The following SGMS1 variants were observed in gnomAD, a reference collection of about 807,000 sequenced individuals.
SGMS1 encodes the protein sphingomyelin synthase 1.
In SGMS1, 13 loss-of-function variants were observed where a neutral mutation model predicts 46.2. The observed-to-expected ratio is 0.28, with a 90% CI of 0.18 to 0.45. The LOEUF is 0.45. Ranked by LOEUF, SGMS1 falls within the 20% of genes least tolerant of loss-of-function variation. The pLI, the probability that SGMS1 is intolerant of heterozygous loss-of-function variation, is 1.00. For synonymous variants in SGMS1, 203 were observed against 187.8 expected (o/e 1.08, Z -0.66); for missense variants, 324 against 519.9 (o/e 0.62, Z 3.66).
chr10:50,488,699 C>G (rs1348044399), intron 3 of SGMS1, among the ~76,000 whole-genome samples: 1 of 152,194 alleles, frequency 6.6e-6, no homozygotes, highest in Non-Finnish European at 1.5e-5. Context: ...AAAACAACCT[C>G]TATGATTTCT....
chr10:50,343,226 T>C (rs1363845005), intron 7 of SGMS1: 2 of 322,604 alleles, frequency 6.2e-6, no homozygotes, highest in East Asian at 6.1e-5. Flanking sequence ...GAGAGTTTTC[T>C]TTCTTATTAA....
intron 2 of SGMS1, among the ~76,000 whole-genome samples, chr10:50,557,425 C>T (rs1329562472): frequency 6.6e-6 from 1 of 151,676 alleles, no homozygotes; most frequent in Admixed American, 6.6e-5. Flanking sequence ...TAATAAATTG[C>T]TTACACATAG....
At chr10:50,534,439 A>G (rs919641012) in intron 2 of SGMS1, among the ~76,000 whole-genome samples, 2 of 152,158 alleles carry the variant, frequency 1.3e-5, no homozygotes, top group East Asian at 1.9e-4. Context: ...AAAATATTCA[A>G]TGCTACTGAT....
intron 4 of SGMS1, among the ~76,000 whole-genome samples, chr10:50,465,507 C>A (rs1398963706): frequency 6.6e-6 from 1 of 151,960 alleles, no homozygotes; most frequent in African/African-American, 2.4e-5. Flanking sequence ...CATAGACCCT[C>A]AAAAATTAAG....
chr10:50,330,694 G>C (rs1309526663), intron 7 of SGMS1, among the ~76,000 whole-genome samples: 1 of 152,146 alleles, frequency 6.6e-6, no homozygotes, highest in African/African-American at 2.4e-5. Context: ...ACTTGACAAT[G>C]GTGCAGTGGA....
At chr10:50,433,742 T>A (rs1020500914) in intron 5 of SGMS1, among the ~76,000 whole-genome samples, 186 bp from the exon 6 acceptor site, 6 of 152,006 alleles carry the variant, frequency 3.9e-5, no homozygotes, top group African/African-American at 9.7e-5. Flanking sequence ...AGAAAAAAAA[T>A]TTTAAGAGCA....
chr10:50,618,069 A>G (rs757374720), intron 1 of SGMS1, among the ~76,000 whole-genome samples: 18 of 152,132 alleles, frequency 1.2e-4, no homozygotes, highest in Admixed American at 2.6e-4. Flanking sequence ...TGTCTGTGGG[A>G]ATCTGAGGTA....
intron 2 of SGMS1, among the ~76,000 whole-genome samples, chr10:50,570,140 A>G (rs1325753297): frequency 6.6e-6 from 1 of 152,214 alleles, no homozygotes; most frequent in Non-Finnish European, 1.5e-5. Context: ...TCCCCGAGCA[A>G]AATGCTGGAA....
chr10:50,557,235 A>C (rs1458520410), intron 2 of SGMS1, among the ~76,000 whole-genome samples: 2 of 152,326 alleles, frequency 1.3e-5, no homozygotes, highest in East Asian at 3.9e-4. Flanking sequence ...TTTATTAAAT[A>C]ATTTTTTAGA....
intron 1 of SGMS1, among the ~76,000 whole-genome samples, chr10:50,614,049 T>C (rs561283294): frequency 1.3e-5 from 2 of 152,292 alleles, no homozygotes; most frequent in Admixed American, 6.5e-5. Context: ...TATCTCAATA[T>C]ACTTTTAATT....
chr10:50,318,043 ATG>A (rs557720264), intron 8 of SGMS1, among the ~76,000 whole-genome samples: 149 of 152,236 alleles, frequency 9.8e-4, no homozygotes, highest in African/African-American at 3.3e-3. Flanking sequence ...AGCTCAGGCA[ATG>A]TCCACCGCCT....
chr10:50,550,018 C>T (rs1208437052), intron 2 of SGMS1, among the ~76,000 whole-genome samples: 2 of 152,200 alleles, frequency 1.3e-5, no homozygotes, highest in East Asian at 3.8e-4. Context: ...TTGAAATTGA[C>T]TGGAGACACC....
chr10:50,554,005 C>T (rs533583941), intron 2 of SGMS1, among the ~76,000 whole-genome samples: 87 of 152,322 alleles, frequency 5.7e-4, no homozygotes, highest in African/African-American at 2.1e-3. Flanking sequence ...CCCAGCATGT[C>T]ACCCAACTCA....
At chr10:50,591,673 G>A (rs536817791) in intron 1 of SGMS1, among the ~76,000 whole-genome samples, 2 of 152,256 alleles carry the variant, frequency 1.3e-5, no homozygotes, top group East Asian at 1.9e-4. Context: ...CATCGCTGGC[G>A]ATTTGTAACC....
intron 5 of SGMS1, among the ~76,000 whole-genome samples, chr10:50,435,666 G>A (rs1849465354): frequency 6.6e-6 from 1 of 152,106 alleles, no homozygotes. Context: ...ACTTCCATTA[G>A]TGCTAATTCT....
intron 6 of SGMS1, among the ~76,000 whole-genome samples, chr10:50,359,804 T>C (rs1465995183): frequency 6.6e-6 from 1 of 152,132 alleles, no homozygotes; most frequent in Non-Finnish European, 1.5e-5. Flanking sequence ...TCTATAGTAA[T>C]ACATATTTAT....
chr10:50,311,315 A>G lies in SGMS1; in HGVS notation c.842T>C (p.Leu281Pro). The G allele has an allele frequency of 6.2e-7, 1 of 1,614,062 alleles. No homozygotes were observed. Residue 281 changes from leucine to proline, a missense_variant, in exon 9 of 11, where the codon CTG becomes CCG. By Grantham distance (98) the Leu-to-Pro change is moderately conservative (BLOSUM62 -3). Around this residue, in one of 2 missense-constraint regions of SGMS1, gnomAD observed 174 missense variants for 350.1 expected, o/e 0.50. Coordinates refer to ENST00000361781, the MANE Select transcript of SGMS1 (RefSeq NM_147156.4). ...TGSHNMCGDY[L>P]YSGHTVMLTL... Reference sequence around the variant, plus strand: ...TAGCATGACCGTGTGGCCGCTGTACAGATAGTCCCCACACATGTTGTGAGA... The same window carrying G: ...TAGCATGACCGTGTGGCCGCTGTACGGATAGTCCCCACACATGTTGTGAGA...
chr10:50,625,030 T>C, upstream of SGMS1: 2 of 1,003,972 alleles, frequency 2.0e-6, no homozygotes, highest in South Asian at 3.5e-5. Context: ...CGCCACGCCC[T>C]CCCATCGGGC....
chr10:50,316,783 A>G lies in SGMS1; in HGVS notation c.742-5368T>C, dbSNP rs1280659367. ...ATCAAGTAACAGGATCAGGAGGAGGAATGGTAGAATCCTCATCAATCTGCA... is the reference window on the plus strand; with the variant it reads ...ATCAAGTAACAGGATCAGGAGGAGGGATGGTAGAATCCTCATCAATCTGCA... On this transcript the variant is annotated intron_variant, in intron 8 of 10. Transcript: ENST00000361781. Among the ~76,000 whole-genome samples the G allele has an allele frequency of 4.6e-5, 7 of 152,302 alleles. No individual in the cohort carries two copies. In the East Asian group the frequency reaches 1.4e-3, roughly 29 times the overall value.
Sources: allele counts gnomAD v4.1 joint callset (sites outside exome capture counted in the v4.1 genomes callset), GRCh38; gene constraint gnomAD v4.1.1; regional missense constraint gnomAD v4.1.1; transcripts MANE v1.5; gene names NCBI Gene and HGNC (gene_info 2026-07-23, HGNC 2026-07-21).